TNFSF4: variants seen among roughly 807,000 people sequenced by gnomAD.
TNFSF4 encodes tumor necrosis factor ligand superfamily member 4.
A neutral mutation model predicts 7.3 loss-of-function variants in TNFSF4; 4 were observed. That is an observed-to-expected ratio of 0.55 (90% confidence interval 0.27 to 1.25). The LOEUF (loss-of-function observed/expected upper bound fraction) is 1.25. Ranked by LOEUF, TNFSF4 falls within the 50% of genes most tolerant of loss-of-function variation. The probability of loss-of-function intolerance (pLI) is 0.12; values close to 1 mark genes in which losing one functional copy is unlikely to be tolerated. For missense variants in TNFSF4, 181 were observed against 208.8 expected (o/e 0.87, Z 0.82); for synonymous variants, 76 against 83.7 (o/e 0.91, Z 0.50).
At chr1:173,256,587 A>G in the TNFSF4 span, among the ~76,000 whole-genome samples, 4 of 152,216 alleles carry the variant, frequency 2.6e-5, no homozygotes, top group African/African-American at 9.6e-5. Flanking sequence ...CAATGGTAGA[A>G]GAGAGACAGT....
At chr1:173,217,506 G>A in the TNFSF4 span, among the ~76,000 whole-genome samples, 3 of 152,142 alleles carry the variant, frequency 2.0e-5, no homozygotes, top group Admixed American at 1.3e-4. Flanking sequence ...ACCTTCTACC[G>A]TGCCTGATAC....
At chr1:173,327,643 A>C in the TNFSF4 span, among the ~76,000 whole-genome samples, 2 of 151,826 alleles carry the variant, frequency 1.3e-5, no homozygotes, top group African/African-American at 4.8e-5. Flanking sequence ...CAATGAACTC[A>C]AACAAATTTA....
At chr1:173,230,154 T>C in the TNFSF4 span, among the ~76,000 whole-genome samples, 2 of 152,152 alleles carry the variant, frequency 1.3e-5, no homozygotes, top group South Asian at 2.1e-4. Flanking sequence ...CACACCACAC[T>C]TATTCCAAAA....
chr1:173,357,013 T>G, the TNFSF4 span, among the ~76,000 whole-genome samples: 3 of 152,236 alleles, frequency 2.0e-5, no homozygotes, highest in Non-Finnish European at 2.9e-5. Flanking sequence ...ATTATTTCTC[T>G]TTTTGTTCCT....
the TNFSF4 span, chr1:173,442,073 T>C: frequency 2.0e-5 from 3 of 152,254 alleles, no homozygotes; most frequent in Non-Finnish European, 4.4e-5. Context: ...GCCAATGTTG[T>C]GCTGGTAATG....
the TNFSF4 span, among the ~76,000 whole-genome samples, chr1:173,235,897 TC>T: frequency 6.6e-6 from 1 of 152,196 alleles, no homozygotes; most frequent in African/African-American, 2.4e-5. Flanking sequence ...TTACTAACCC[TC>T]CATATTTCCT....
At chr1:173,400,013 TAG>T in the TNFSF4 span, among the ~76,000 whole-genome samples, 3 of 152,242 alleles carry the variant, frequency 2.0e-5, no homozygotes, top group African/African-American at 7.2e-5. Context: ...CTTACTGGAA[TAG>T]ACACTCTGGA....
the TNFSF4 span, among the ~76,000 whole-genome samples, chr1:173,296,296 G>A: frequency 5.3e-5 from 8 of 152,078 alleles, no homozygotes; most frequent in African/African-American, 9.6e-5. Context: ...GTCTCATTAC[G>A]TGAATTTCAG....
At chr1:173,315,979 T>C in the TNFSF4 span, among the ~76,000 whole-genome samples, 1 of 152,220 alleles carries the variant, frequency 6.6e-6, no homozygotes, top group African/African-American at 2.4e-5. Flanking sequence ...TCAAGGCCAA[T>C]GTCAAGCTTT....
chr1:173,273,501 G>T, the TNFSF4 span, among the ~76,000 whole-genome samples: 2 of 152,010 alleles, frequency 1.3e-5, no homozygotes, highest in African/African-American at 2.4e-5. Flanking sequence ...TAAGAATTTA[G>T]TATAATACAA....
chr1:173,352,850 C>A, the TNFSF4 span, among the ~76,000 whole-genome samples: 1 of 152,136 alleles, frequency 6.6e-6, no homozygotes, highest in Non-Finnish European at 1.5e-5. Context: ...AAGGCGGACA[C>A]CCCTAGAGCA....
At chr1:173,449,767 A>C in the TNFSF4 span, among the ~76,000 whole-genome samples, 2 of 152,214 alleles carry the variant, frequency 1.3e-5, no homozygotes, top group Non-Finnish European at 2.9e-5. Context: ...GCAACATATC[A>C]AAATTTGCAG....
At chr1:173,201,391 G>T (rs1649934869) in intron 1 of TNFSF4, among the ~76,000 whole-genome samples, 1 of 152,154 alleles carries the variant, frequency 6.6e-6, no homozygotes, top group African/African-American at 2.4e-5. Context: ...CATTAACTTT[G>T]ATATGCTTTC....
At chr1:173,250,022 A>T in the TNFSF4 span, among the ~76,000 whole-genome samples, 4,051 of 149,652 alleles carry the variant, frequency 0.027, 74 homozygotes, top group Middle Eastern at 0.055. Flanking sequence ...AACTTAAAAT[A>T]AAAAAAAAAG....
chr1:173,202,953 C>G (rs1650008759), intron 1 of TNFSF4, among the ~76,000 whole-genome samples: 1 of 147,472 alleles, frequency 6.8e-6, no homozygotes, highest in Admixed American at 6.8e-5. Context: ...AAGGCTGAGG[C>G]AGCCCTCCCT....
chr1:173,395,243 GACTATT>G, the TNFSF4 span, among the ~76,000 whole-genome samples: 1 of 150,820 alleles, frequency 6.6e-6, no homozygotes, highest in Non-Finnish European at 1.5e-5. Flanking sequence ...AGATACTAAT[GACTATT>G]TTCAGTAGTA....
chr1:173,200,292 T>C (rs1649888125), intron 1 of TNFSF4, among the ~76,000 whole-genome samples: 1 of 152,216 alleles, frequency 6.6e-6, no homozygotes, highest in Non-Finnish European at 1.5e-5. Context: ...TACCTCATAT[T>C]TCCTCAGTGT....
chr1:173,414,140 G>A, the TNFSF4 span, among the ~76,000 whole-genome samples: 1 of 152,206 alleles, frequency 6.6e-6, no homozygotes, highest in Non-Finnish European at 1.5e-5. Context: ...AAGTACCACA[G>A]ACTGGAGGGC....
the TNFSF4 span, among the ~76,000 whole-genome samples, chr1:173,370,321 T>A: frequency 4.6e-5 from 7 of 152,146 alleles, no homozygotes; most frequent in Non-Finnish European, 1.0e-4. Flanking sequence ...GTCAAGTAAA[T>A]GATACAATGA....
Sources: allele counts gnomAD v4.1 joint callset (sites outside exome capture counted in the v4.1 genomes callset), GRCh38; gene constraint gnomAD v4.1.1; transcripts MANE v1.5; gene names NCBI Gene and HGNC (gene_info 2026-07-23, HGNC 2026-07-21).